MEGF11: variants seen among roughly 807,000 people sequenced by gnomAD.
MEGF11 encodes the protein multiple epidermal growth factor-like domains protein 11.
A neutral mutation model predicts 146.6 loss-of-function variants in MEGF11; 126 were observed. The ratio of observed to expected loss-of-function variants is 0.86; its 90% CI spans 0.74 to 1.00. MEGF11 has a LOEUF of 1.00. Ranked by LOEUF, MEGF11 falls within the 50% of genes least tolerant of loss-of-function variation. The pLI, the probability that MEGF11 is intolerant of heterozygous loss-of-function variation, is 0.00. For missense variants in MEGF11, 1,509 were observed against 1,521.2 expected, an observed-to-expected ratio of 0.99 and a Z score of 0.13; for synonymous variants, 532 against 583.4, an observed-to-expected ratio of 0.91 and a Z score of 1.27.
At chr15:66,192,530 TAAAATC>T (rs2090910346) in intron 1 of MEGF11, among the ~76,000 whole-genome samples, 1 of 138,726 alleles carries the variant, frequency 7.2e-6, no homozygotes, top group East Asian at 2.2e-4. Flanking sequence ...TAAAATAAAA[TAAAATC>T]ATCATAATGA....
rs2079512371 is a variant in MEGF11, at chr15:65,929,883, C to G, written c.1409G>C (p.Gly470Ala). 1 of 1,595,400 alleles carries G rather than the reference C, an allele frequency of 6.3e-7. No individual in the cohort carries two copies. Among genetic ancestry groups the G allele is most frequent in the Non-Finnish European group, 8.5e-7 (1 of 1,170,902 alleles). ...CAGGGTGCAGTCCAGGCCCTGCCAC[C>G]CTGAGGGGAGGGAAAGGGACTGTCA... ...PVDGSCTCKE[G>A]WQGLDCTLPC... Residue 470 changes from glycine (G) to alanine (A), a missense_variant and splice_region_variant, in exon 12 of 26, where the codon GGG (glycine) becomes GCG (alanine). Physicochemically the swap from Gly to Ala is moderately conservative, Grantham distance 60. Coordinates refer to ENST00000395614, the MANE Select transcript of MEGF11 (RefSeq NM_001385028.1).
intron 5 of MEGF11, among the ~76,000 whole-genome samples, chr15:65,993,980 G>A (rs1567194275): frequency 6.6e-6 from 1 of 152,158 alleles, no homozygotes; most frequent in Non-Finnish European, 1.5e-5. Context: ...TGTGCCCATG[G>A]AGTTCAGAGG....
rs1555456020 is a variant in MEGF11 at position 65,957,237 on chromosome 15, G to GTACA, written c.1287+306_1287+309dup. 2.0e-5 allele frequency among the ~76,000 whole-genome samples: 3 copies of GTACA among 152,320 alleles called. No homozygotes were observed. The South Asian group carries it at 6.2e-4, about 32-fold the overall frequency. Reference sequence around the variant, plus strand: ...GAAAGCAGAATGCAAAACTGTCTCTGTACATTGTGGTTTTTCTGATGTAAA... The same window carrying GTACA: ...GAAAGCAGAATGCAAAACTGTCTCTGTACATACATTGTGGTTTTTCTGATGTAAA... On this transcript the variant is annotated intron_variant, in intron 10 of 25. Coordinates refer to ENST00000395614, the MANE Select transcript of MEGF11 (RefSeq NM_001385028.1).
intron 21 of MEGF11, among the ~76,000 whole-genome samples, chr15:65,911,835 G>C (rs1160072383): frequency 1.3e-5 from 2 of 152,204 alleles, no homozygotes; most frequent in Non-Finnish European, 2.9e-5. Flanking sequence ...CAGGGTACAG[G>C]GGTATATGTT....
chr15:65,913,364 C>T (rs773979386), intron 20 of MEGF11, among the ~76,000 whole-genome samples: 1 of 152,210 alleles, frequency 6.6e-6, no homozygotes, highest in Non-Finnish European at 1.5e-5. Context: ...GGGCACTGGG[C>T]TCCAAGGTCT....
chr15:66,219,135 T>C (rs954555769), intron 1 of MEGF11, among the ~76,000 whole-genome samples: 1 of 151,990 alleles, frequency 6.6e-6, no homozygotes, highest in African/African-American at 2.4e-5. Flanking sequence ...GAAGAAAACA[T>C]AGAAGAATAT....
At chr15:66,110,317 A>G (rs146590599) in intron 4 of MEGF11, among the ~76,000 whole-genome samples, 10 of 152,348 alleles carry the variant, frequency 6.6e-5, no homozygotes, top group African/African-American at 2.4e-4. Flanking sequence ...AGGGTTAAGC[A>G]TCCGTATTTA....
intron 1 of MEGF11, among the ~76,000 whole-genome samples, chr15:66,228,412 T>G (rs1033771996): frequency 1.3e-5 from 2 of 151,770 alleles, no homozygotes; most frequent in Admixed American, 1.3e-4. Flanking sequence ...AGGCTTCTAC[T>G]TGTGACAGGC....
intron 4 of MEGF11, among the ~76,000 whole-genome samples, chr15:66,113,144 C>G (rs574196124): frequency 4.6e-5 from 7 of 152,302 alleles, no homozygotes; most frequent in Admixed American, 3.9e-4. Context: ...TCCCCTCAAC[C>G]AGAGTCCACC....
chr15:66,223,506 T>G (rs2091782330), intron 1 of MEGF11, among the ~76,000 whole-genome samples: 1 of 152,200 alleles, frequency 6.6e-6, no homozygotes, highest in Non-Finnish European at 1.5e-5. Flanking sequence ...GTGGATCACT[T>G]GAGGCCAGGA....
intron 5 of MEGF11, among the ~76,000 whole-genome samples, chr15:65,997,656 T>C (rs1012335321): frequency 6.6e-6 from 1 of 152,230 alleles, no homozygotes; most frequent in African/African-American, 2.4e-5. Flanking sequence ...GTCAGCTCCA[T>C]GAGGGCAGGG....
intron 1 of MEGF11, among the ~76,000 whole-genome samples, chr15:66,152,022 AGCTCCAGGTTCCAAG>A (rs2089588905): frequency 6.6e-6 from 1 of 152,196 alleles, no homozygotes; most frequent in African/African-American, 2.4e-5. Context: ...CCACCTGCCC[AGCTCCAGGTTCCAAG>A]GCCCCAGCCT....
intron 17 of MEGF11, chr15:65,916,537 T>A: frequency 1.5e-6 from 1 of 652,366 alleles, no homozygotes; most frequent in Non-Finnish European, 2.6e-6. Context: ...CACAGGCTGC[T>A]CCTCCCCACT....
At chr15:66,115,047 G>C (rs375376122) in intron 4 of MEGF11, among the ~76,000 whole-genome samples, 1 of 152,220 alleles carries the variant, frequency 6.6e-6, no homozygotes, top group East Asian at 1.9e-4. Context: ...GGCTGAGTCA[G>C]CCAAGGCTTT....
chr15:65,964,237 G>C (rs75006232), intron 9 of MEGF11, among the ~76,000 whole-genome samples: 1,704 of 152,278 alleles, frequency 0.011, 18 homozygotes, highest in Non-Finnish European at 0.018. Context: ...CTTTGGAAGT[G>C]GGGGGTGGAG....
intron 1 of MEGF11, among the ~76,000 whole-genome samples, chr15:66,145,732 G>T (rs963179557): frequency 1.3e-5 from 2 of 152,334 alleles, no homozygotes; most frequent in Non-Finnish European, 1.5e-5. Flanking sequence ...GCTCCATGTT[G>T]TGGTTAAGGA....
intron 1 of MEGF11, among the ~76,000 whole-genome samples, chr15:66,130,733 G>A (rs906324453): frequency 7.9e-5 from 12 of 151,188 alleles, no homozygotes; most frequent in African/African-American, 2.9e-4. Context: ...AGGGAGGGAG[G>A]AAGGAAGGAA....
intron 5 of MEGF11, among the ~76,000 whole-genome samples, chr15:66,030,276 T>C (rs552795096): frequency 7.9e-5 from 12 of 152,348 alleles, no homozygotes; most frequent in African/African-American, 2.6e-4. Context: ...CCAGTGCATA[T>C]ATATCAGAAA....
chr15:65,971,588 C>G (rs1351037277), intron 7 of MEGF11, among the ~76,000 whole-genome samples: 1 of 152,158 alleles, frequency 6.6e-6, no homozygotes, highest in Non-Finnish European at 1.5e-5. Flanking sequence ...GGCTGACTGC[C>G]GGACTGAACT....
Sources: gnomAD v4.1 joint callset for allele counts (sites outside exome capture counted in the v4.1 genomes callset) on GRCh38, gnomAD v4.1.1 for gene constraint, MANE v1.5 for transcripts, NCBI Gene and HGNC (gene_info 2026-07-23, HGNC 2026-07-21) for gene names.